The following CFAP299 variants were observed in gnomAD, a reference collection of about 807,000 sequenced individuals.
CFAP299 encodes cilia- and flagella-associated protein 299.
CFAP299 carries 21 observed loss-of-function variants against 27.0 expected under a neutral mutation model. The ratio of observed to expected loss-of-function variants is 0.78; its 90% CI spans 0.55 to 1.12. CFAP299 has a LOEUF of 1.12. CFAP299 is among the 50% of genes most tolerant of loss of function. The probability of loss-of-function intolerance (pLI) is 0.00; values close to 1 mark genes in which losing one functional copy is unlikely to be tolerated. For synonymous variants in CFAP299, 104 were observed against 98.1 expected (o/e 1.06, Z -0.36); for missense variants, 310 against 276.6 (o/e 1.12, Z -0.86).
At chr4:80,596,333 T>C (rs1377621791) in intron 3 of CFAP299, among the ~76,000 whole-genome samples, 2 of 152,206 alleles carry the variant, frequency 1.3e-5, no homozygotes, top group African/African-American at 4.8e-5. Context: ...GGTTGTTATT[T>C]GCATTTCAGC....
intron 2 of CFAP299, among the ~76,000 whole-genome samples, chr4:80,436,113 A>G (rs573763944): frequency 3.3e-5 from 5 of 152,270 alleles, no homozygotes; most frequent in African/African-American, 1.2e-4. Flanking sequence ...GTGGCAAAGA[A>G]TGTTAACTGC....
At chr4:80,569,489 TA>T (rs1377650738) in intron 2 of CFAP299, among the ~76,000 whole-genome samples, 7 of 152,172 alleles carry the variant, frequency 4.6e-5, no homozygotes, top group African/African-American at 1.7e-4. Flanking sequence ...AATTTTAACT[TA>T]GTGTGAGGTT....
At chr4:80,632,977 T>C in intron 3 of CFAP299, among the ~76,000 whole-genome samples, 1 of 152,340 alleles carries the variant, frequency 6.6e-6, no homozygotes, top group Non-Finnish European at 1.5e-5. Flanking sequence ...GTGATTTTTA[T>C]TTGATAGCAC....
rs369278130 is a variant in CFAP299 at position 80,555,544 on chromosome 4, A to G, written c.243-27549A>G. Among the ~76,000 whole-genome samples the G allele has an allele frequency of 1.5e-4, 23 of 152,222 alleles. No individual in the cohort carries two copies. In the East Asian group the frequency reaches 3.7e-3, roughly 24 times the overall value. ...GTTTGGGAGGAGTTTCTCCTTCTCA[A>G]TTCTTTGGAATAGTTTCAGTAGGGA... On this transcript the variant is annotated intron_variant, in intron 2 of 5. Coordinates refer to ENST00000358105, the MANE Select transcript of CFAP299 (RefSeq NM_152770.3).
At chr4:80,695,226 T>C (rs1721012043) in intron 3 of CFAP299, among the ~76,000 whole-genome samples, 1 of 152,210 alleles carries the variant, frequency 6.6e-6, no homozygotes, top group Admixed American at 6.5e-5. Context: ...GCATGGACTA[T>C]TTTGGATACT....
chr4:80,850,922 T>C (rs556858926), intron 3 of CFAP299, among the ~76,000 whole-genome samples: 13 of 152,246 alleles, frequency 8.5e-5, no homozygotes, highest in South Asian at 6.2e-4. Flanking sequence ...ATTAATTAGA[T>C]GTGGGAAGTA....
At chr4:80,690,982 G>C (rs1652439454) in intron 3 of CFAP299, among the ~76,000 whole-genome samples, 1 of 148,680 alleles carries the variant, frequency 6.7e-6, no homozygotes, top group African/African-American at 2.5e-5. Context: ...ACTATCCCAA[G>C]ACTAAACCAG....
intron 3 of CFAP299, among the ~76,000 whole-genome samples, chr4:80,809,588 G>T (rs1388617815): frequency 6.6e-6 from 1 of 152,020 alleles, no homozygotes; most frequent in Non-Finnish European, 1.5e-5. Context: ...TTGACTATTT[G>T]TTGCAAAGGC....
chr4:80,750,976 G>T (rs942450790), intron 3 of CFAP299, among the ~76,000 whole-genome samples: 13 of 152,124 alleles, frequency 8.5e-5, no homozygotes, highest in African/African-American at 2.9e-4. Flanking sequence ...CTTTAGCTCA[G>T]TGAATTTCGT....
chr4:80,524,750 A>G (rs570851357), intron 2 of CFAP299, among the ~76,000 whole-genome samples: 6 of 152,320 alleles, frequency 3.9e-5, no homozygotes, highest in African/African-American at 9.6e-5. Context: ...TGTATTCATC[A>G]TCTATTGATA....
intron 2 of CFAP299, among the ~76,000 whole-genome samples, chr4:80,528,412 G>A (rs1395892078): frequency 6.6e-6 from 1 of 151,992 alleles, no homozygotes; most frequent in Non-Finnish European, 1.5e-5. Flanking sequence ...TACTTTCTTA[G>A]TGTTTCATAA....
In CFAP299 at chr4:80,419,871, G is replaced by T. The variant is rs1456113845; in HGVS notation, c.242+56987G>T. 3.3e-5 allele frequency among the ~76,000 whole-genome samples: 5 copies of T among 152,258 alleles called. No individual in the cohort carries two copies. The East Asian group carries it at 9.7e-4, about 29-fold the overall frequency. ...CACAACCTTTTCTTAGGAGGCAAGA[G>T]AAAACTTTACCTTTGCCCTCTGAAA... On this transcript the variant is annotated intron_variant, in intron 2 of 5. Coordinates refer to ENST00000358105, the MANE Select transcript of CFAP299 (RefSeq NM_152770.3).
chr4:80,901,179 C>CA (rs930598724), intron 4 of CFAP299, among the ~76,000 whole-genome samples: 47 of 151,230 alleles, frequency 3.1e-4, no homozygotes, highest in Admixed American at 2.0e-3. Flanking sequence ...TTATGGAGGG[C>CA]AAAAAAAATA....
At chr4:80,687,901 C>T (rs1720324555) in intron 3 of CFAP299, among the ~76,000 whole-genome samples, 1 of 152,160 alleles carries the variant, frequency 6.6e-6, no homozygotes, top group Admixed American at 6.5e-5. Context: ...CAGGGAGTTC[C>T]CTTTCATAGT....
intron 3 of CFAP299, among the ~76,000 whole-genome samples, chr4:80,645,593 G>A (rs954381833): frequency 2.0e-5 from 3 of 152,090 alleles, no homozygotes; most frequent in East Asian, 1.9e-4. Context: ...TGACTAGCAC[G>A]TTCAGTGCTC....
intron 3 of CFAP299, among the ~76,000 whole-genome samples, chr4:80,867,147 T>A (rs1732792101): frequency 6.6e-6 from 1 of 152,176 alleles, no homozygotes; most frequent in African/African-American, 2.4e-5. Context: ...ACTTTGTTTT[T>A]AAAGGTTCAC....
At chr4:80,358,530 A>G (rs1723384814) in intron 1 of CFAP299, among the ~76,000 whole-genome samples, 1 of 152,072 alleles carries the variant, frequency 6.6e-6, no homozygotes, top group African/African-American at 2.4e-5. Context: ...TTGTGTGCAC[A>G]TATATTTCGG....
At chr4:80,565,574 A>T (rs1385024685) in intron 2 of CFAP299, among the ~76,000 whole-genome samples, 2 of 152,092 alleles carry the variant, frequency 1.3e-5, no homozygotes, top group African/African-American at 4.8e-5. Context: ...AATATTTTAT[A>T]TAATTAAAAA....
chr4:80,637,291 TATA>T (rs1465504070), intron 3 of CFAP299, among the ~76,000 whole-genome samples: 6 of 152,162 alleles, frequency 3.9e-5, no homozygotes, highest in Non-Finnish European at 8.8e-5. Flanking sequence ...GTCAGCAAGG[TATA>T]ATAGATATAA....
Sources: gnomAD v4.1 joint callset for allele counts (sites outside exome capture counted in the v4.1 genomes callset) on GRCh38, gnomAD v4.1.1 for gene constraint, MANE v1.5 for transcripts, NCBI Gene and HGNC (gene_info 2026-07-23, HGNC 2026-07-21) for gene names.